Variants in LMF1 observed in about 807,000 individuals in gnomAD.
The protein encoded by LMF1 is lipase maturation factor 1.
LMF1 carries 68 observed loss-of-function variants against 60.6 expected under a neutral mutation model. That is an observed-to-expected ratio of 1.12 (90% CI 0.92 to 1.37). The LOEUF is 1.37. Ranked by LOEUF, LMF1 falls within the 40% of genes most tolerant of loss-of-function variation. The probability of loss-of-function intolerance (pLI) is 0.00; values close to 1 mark genes in which losing one functional copy is unlikely to be tolerated. For synonymous variants in LMF1, 418 were observed against 324.7 expected (o/e 1.29, Z -3.09); for missense variants, 948 against 767.2 (o/e 1.24, Z -2.78).
At chr16:941,282 T>C (rs944922682) in intron 2 of LMF1, among the ~76,000 whole-genome samples, 1 of 152,058 alleles carries the variant, frequency 6.6e-6, no homozygotes, top group African/African-American at 2.4e-5. Flanking sequence ...CAGGCTGGAG[T>C]GCAGTGGCTC....
chr16:865,145 C>T (rs925714591), intron 10 of LMF1, among the ~76,000 whole-genome samples: 1 of 152,160 alleles, frequency 6.6e-6, no homozygotes, highest in Non-Finnish European at 1.5e-5. Context: ...TGGCACGTAA[C>T]TTACAGTCTA....
intron 3 of LMF1, among the ~76,000 whole-genome samples, chr16:929,311 C>T (rs934125741): frequency 6.6e-6 from 1 of 152,246 alleles, no homozygotes; most frequent in African/African-American, 2.4e-5. Flanking sequence ...GCTCTCCATA[C>T]AGAACCAGGT....
Position 875,235 on chromosome 16 carries a change from A to C in LMF1, c.898-3894T>G, listed in dbSNP as rs565016481. Among the ~76,000 whole-genome samples the C allele has an allele frequency of 1.5e-3, 226 of 151,802 alleles. 2 individuals carry two copies. The highest frequency in any genetic ancestry group is 5.2e-3 in the African/African-American group (214 of 41,368). Reference sequence around the variant, plus strand: ...TGTCCCCTCCCCTTTCAGCATCCCCACTGTCCACCGCCACTCACCCCACCA... The same window carrying C: ...TGTCCCCTCCCCTTTCAGCATCCCCCCTGTCCACCGCCACTCACCCCACCA... On this transcript the variant is annotated intron_variant, in intron 6 of 10. Coordinates refer to ENST00000262301, the MANE Select transcript of LMF1 (RefSeq NM_022773.4).
intron 1 of LMF1, 125 bp from the exon 2 acceptor site, chr16:954,791 G>C: frequency 1.2e-6 from 1 of 861,404 alleles, no homozygotes. Flanking sequence ...TGACGGTTTG[G>C]GGCCAAACCC....
chr16:868,677 G>C (rs932546289), intron 10 of LMF1, among the ~76,000 whole-genome samples: 1 of 151,520 alleles, frequency 6.6e-6, no homozygotes, highest in East Asian at 2.0e-4. Context: ...ACCCTGCCCA[G>C]AGCAGCTGTC....
chr16:978,443 C>T (rs1378792641), intron 1 of LMF1, among the ~76,000 whole-genome samples: 1 of 152,130 alleles, frequency 6.6e-6, no homozygotes. Context: ...GGAAGCATCC[C>T]CCAGGCCATC....
intron 1 of LMF1, among the ~76,000 whole-genome samples, chr16:963,104 ACTGGACACAAGG>A (rs1400057928): frequency 2.6e-5 from 4 of 151,966 alleles, no homozygotes; most frequent in East Asian, 3.9e-4. Context: ...CGGGACACAG[ACTGGACACAAGG>A]CTGGACACAG....
At chr16:890,757 T>TG (rs1424518514) in intron 5 of LMF1, among the ~76,000 whole-genome samples, 1 of 152,226 alleles carries the variant, frequency 6.6e-6, no homozygotes, top group Non-Finnish European at 1.5e-5. Context: ...TGACTTCATC[T>TG]TAACTAATCA....
intron 1 of LMF1, chr16:976,791 G>C (rs1358131273): frequency 1.1e-5 from 5 of 454,028 alleles, no homozygotes; most frequent in African/African-American, 1.0e-4. Flanking sequence ...TCACTGGGGA[G>C]AGAGCAGTGC....
chr16:976,299 G>T (rs1415398644), intron 1 of LMF1: 1 of 452,248 alleles, frequency 2.2e-6, no homozygotes, highest in Non-Finnish European at 4.4e-6. Flanking sequence ...GAACGAGGCT[G>T]GGGTCTGGGG....
Position 853,918 on chromosome 16 carries a change from G to A in LMF1, c.*614C>T, listed in dbSNP as rs2069115529. On this transcript the variant is annotated 3_prime_UTR_variant, in exon 11 of 11. Transcript: ENST00000262301. The stretch of plus-strand genomic sequence containing the variant: ...GGGCCAAGAACACATGTGTGCACAG[G>A]CTGTGTGTGCCTGCATGTGTGGGAT... 2.2e-6 allele frequency: 1 copy of A among 453,982 alleles called. No homozygotes were observed. Among genetic ancestry groups the A allele is most frequent in the African/African-American group, 2.0e-5 (1 of 49,944 alleles). The allele number at this position is 453,982 out of a possible 1,614,324, so 28.1% of individuals were successfully genotyped here.
At chr16:868,193 T>G (rs2069666601) in intron 10 of LMF1, among the ~76,000 whole-genome samples, 1 of 152,018 alleles carries the variant, frequency 6.6e-6, no homozygotes, top group African/African-American at 2.4e-5. Flanking sequence ...TCCTCCATGC[T>G]CTGCCCCACC....
intron 2 of LMF1, among the ~76,000 whole-genome samples, chr16:951,303 G>A (rs2072461122): frequency 7.2e-6 from 1 of 139,642 alleles, no homozygotes; most frequent in South Asian, 2.4e-4. Flanking sequence ...CAGAGTCAGA[G>A]CCAATGACAG....
intron 1 of LMF1, chr16:979,128 CTTAA>C (rs766036623): frequency 3.8e-5 from 17 of 452,442 alleles, no homozygotes; most frequent in Non-Finnish European, 7.5e-5. Context: ...ACAGCAAGTG[CTTAA>C]TTAATACCTG....
chr16:890,824 C>T (rs376318149), intron 5 of LMF1, among the ~76,000 whole-genome samples: 21 of 151,562 alleles, frequency 1.4e-4, no homozygotes, highest in African/African-American at 4.6e-4. Flanking sequence ...GGTTTGGGCC[C>T]TGCCTGCAGG....
chr16:877,463 G>A (rs1450141766), intron 6 of LMF1, among the ~76,000 whole-genome samples: 2 of 141,862 alleles, frequency 1.4e-5, no homozygotes. Context: ...GACTCCCGCA[G>A]AGGAAGAGGC....
At chr16:875,090 C>T (rs1033948826) in intron 6 of LMF1, among the ~76,000 whole-genome samples, 3 of 152,154 alleles carry the variant, frequency 2.0e-5, no homozygotes, top group Non-Finnish European at 4.4e-5. Context: ...TCGTCCTGGA[C>T]ACAGTGTGGG....
chr16:880,565 G>T (rs1292220909), intron 5 of LMF1, among the ~76,000 whole-genome samples: 1 of 152,228 alleles, frequency 6.6e-6, no homozygotes, highest in African/African-American at 2.4e-5. Flanking sequence ...AGCTACCCAG[G>T]AGGCTGAGTC....
At chr16:913,531 G>A (rs1026660029) in intron 3 of LMF1, among the ~76,000 whole-genome samples, 4 of 152,236 alleles carry the variant, frequency 2.6e-5, no homozygotes, top group African/African-American at 4.8e-5. Context: ...ATGCTGGTGC[G>A]GAGGAAATGC....
Sources: gnomAD v4.1 joint callset for allele counts (sites outside exome capture counted in the v4.1 genomes callset) on GRCh38, gnomAD v4.1.1 for gene constraint, MANE v1.5 for transcripts, NCBI Gene and HGNC (gene_info 2026-07-23, HGNC 2026-07-21) for gene names.